BAG5: variants seen among roughly 807,000 people sequenced by gnomAD.
BAG5 encodes BAG cochaperone 5.
BAG5 carries 25 observed loss-of-function variants against 31.8 expected under a neutral mutation model. The ratio of observed to expected loss-of-function variants is 0.79; its 90% CI spans 0.57 to 1.10. The LOEUF (loss-of-function observed/expected upper bound fraction) is 1.10, where lower values mean the gene tolerates loss of function less well. BAG5 is among the 50% of genes least tolerant of loss of function. BAG5 has a pLI of 0.00. For missense variants in BAG5, 491 were observed against 527.9 expected, an observed-to-expected ratio of 0.93 and a Z score of 0.68; for synonymous variants, 208 against 205.0, an observed-to-expected ratio of 1.01 and a Z score of -0.13.
chr14:103,560,853 G>A lies in BAG5; in HGVS notation c.312C>T (p.Leu104=). Residue 104 remains leucine, a synonymous_variant, in exon 2 of 2, where the codon CTC becomes CTT. Transcript: ENST00000299204. ...AAAATGGCACAATTTTCTCTCTCAC[G>A]AGGGACTGGGCTTCCTCAAAAATGT... is the stretch of plus-strand genomic sequence containing the variant. ...IQNIFEEAQS[L]VREKIVPFYN... is the part of the protein sequence containing the mutation. 1 of 1,614,036 alleles carries A rather than the reference G, an allele frequency of 6.2e-7. No homozygotes were observed. The highest frequency in any genetic ancestry group is 1.6e-4 in the Middle Eastern group (1 of 6,062).
In BAG5 at chr14:103,559,581, A is replaced by C; in HGVS notation, c.*240T>G. 2.2e-6 allele frequency: 1 copy of C among 458,508 alleles called. No individual in the cohort carries two copies. The highest frequency in any genetic ancestry group is 3.7e-6 in the Non-Finnish European group (1 of 269,614). 28.4% of individuals were successfully genotyped at this position (458,508 alleles called of 1,614,324 possible). On this transcript the variant is annotated 3_prime_UTR_variant, in exon 2 of 2. Coordinates refer to ENST00000299204, the MANE Select transcript of BAG5 (RefSeq NM_001015048.3). ...TGTTTTCTGATTAAAAACGCAAAAA[A>C]AAGGACAAACCAAACAAACCACACC...
At position 103,559,518 on chromosome 14, in the gene BAG5, C is replaced by T; in HGVS notation, c.*303G>A. The T allele has an allele frequency of 3.4e-6, 1 of 293,514 alleles. No homozygotes were observed. Among genetic ancestry groups the T allele is most frequent in the South Asian group, 4.8e-5 (1 of 20,804 alleles). The allele number at this position is 293,514 out of a possible 1,614,324, so 18.2% of individuals were successfully genotyped here. On this transcript the variant is annotated 3_prime_UTR_variant, in exon 2 of 2. Transcript: ENST00000299204. ...TGAAAGACCTGCATTTTAATGCTTG[C>T]ACAACCCATTTAAAATCTACAAAAG...
In BAG5 at chr14:103,561,175, T is replaced by C. The variant is rs890041211; in HGVS notation, c.-11A>G. 1 of 1,591,844 alleles carries C rather than the reference T, an allele frequency of 6.3e-7. No individual in the cohort carries two copies. On this transcript the variant is annotated 5_prime_UTR_variant, in exon 2 of 2. Transcript: ENST00000299204. ...GTTTCCCATATCCATACTTTTGTTG[T>C]GTTCAGTTTCACAAGCACTAAAAGA...
In BAG5 at chr14:103,560,903, GGT is replaced by G; in HGVS notation, c.260_261del (p.Asn87ThrfsTer6). On this transcript the variant is annotated frameshift_variant, in exon 2 of 2. Coordinates refer to ENST00000299204, the MANE Select transcript of BAG5 (RefSeq NM_001015048.3). LOFTEE classifies it high-confidence loss of function. Reference sequence around the variant, plus strand: ...TTCTGTATTTCAATCCGGTGTGGGTGGTTTGCATTCTGCTCCAACTCTTTGAG... The same window carrying G: ...TTCTGTATTTCAATCCGGTGTGGGTGTTGCATTCTGCTCCAACTCTTTGAG... ...RLLKELEQNA[N>X]HPHRIEIQNI... 6.2e-7 allele frequency: 1 copy of G among 1,614,112 alleles called. No individual in the cohort carries two copies. Among genetic ancestry groups the G allele is most frequent in the Non-Finnish European group, 8.5e-7 (1 of 1,180,030 alleles).
rs2076070848 is a variant in BAG5, at chr14:103,561,186, A to G, written c.-22T>C. On this transcript the variant is annotated 5_prime_UTR_variant, in exon 2 of 2. The change abolishes the stop of an existing upstream ORF in the 5' untranslated region. Transcript: ENST00000299204. ...CCATACTTTTGTTGTGTTCAGTTTC[A>G]CAAGCACTAAAAGACGACAAGAATG... The G allele has an allele frequency of 6.3e-7, 1 of 1,587,908 alleles. No individual in the cohort carries two copies. Among genetic ancestry groups the G allele is most frequent in the African/African-American group, 1.4e-5 (1 of 74,050 alleles).
rs558201535 is a variant in BAG5, at chr14:103,561,104, T to C, written c.61A>G (p.Lys21Glu). ...SRLQEIQKEV[K>E]SVEQQVIGFS... ...CCGATAACTTGCTGTTCTACACTTT[T>C]TACTTCCTTTTGGATTTCCTGAAGC... The change falls in exon 2 of 2, where the codon AAA becomes GAA. Residue 21 changes from lysine (K) to glutamate (E), a missense_variant. By Grantham distance (56) the Lys-to-Glu change is moderately conservative. Transcript: ENST00000299204. 1.9e-6 allele frequency: 3 copies of C among 1,605,724 alleles called. No homozygotes were observed. In the African/African-American group the frequency reaches 4.0e-5, roughly 21 times the overall value.
Position 103,559,827 on chromosome 14 carries a change from C to T in BAG5, c.1338G>A (p.Glu446=), listed in dbSNP as rs2076058695. ...AAGTGAGATCTCTGGTATTTCAGTA[C>T]TCCCATTCATCAGATTTCAGGTCGA... ...SYLDLKSDEW[E]Y The change falls in exon 2 of 2, where the codon GAG becomes GAA. Residue 446 remains glutamate (E), a synonymous_variant. Transcript: ENST00000299204. 6.2e-7 allele frequency: 1 copy of T among 1,611,004 alleles called. No homozygotes were observed. The highest frequency in any genetic ancestry group is 1.7e-4 in the Middle Eastern group (1 of 6,056).
Position 103,560,891 on chromosome 14 carries a change from T to G in BAG5, c.274A>C (p.Ile92Leu), listed in dbSNP as rs754111260. ...LEQNANHPHR[I>L]EIQNIFEEAQ... ...TCCTCAAAAATGTTCTGTATTTCAA[T>G]CCGGTGTGGGTGGTTTGCATTCTGC... is the stretch of plus-strand genomic sequence containing the variant. Residue 92 changes from isoleucine (I) to leucine (L), a missense_variant, in exon 2 of 2, where the codon ATT becomes CTT. Physicochemically the swap from Ile to Leu is conservative, Grantham distance 5. Coordinates refer to ENST00000299204, the MANE Select transcript of BAG5 (RefSeq NM_001015048.3). 39 of 1,614,048 alleles carry G rather than the reference T, an allele frequency of 2.4e-5. No individual in the cohort carries two copies. The highest frequency in any genetic ancestry group is 1.6e-4 in the Middle Eastern group (1 of 6,084).
In BAG5 at chr14:103,560,915, G is replaced by A. The variant is rs747695654; in HGVS notation, c.250C>T (p.Gln84Ter). 12 of 1,614,114 alleles carry A rather than the reference G, an allele frequency of 7.4e-6. No homozygotes were observed. The South Asian group carries it at 1.3e-4, about 18-fold the overall frequency. Residue 84 changes from glutamine to a stop codon, truncating the protein, a stop_gained, in exon 2 of 2, where the codon CAG (glutamine) becomes TAG (stop). Coordinates refer to ENST00000299204, the MANE Select transcript of BAG5 (RefSeq NM_001015048.3). LOFTEE classifies it high-confidence loss of function. ...ETERLLKELE[Q>*]NANHPHRIEI... ...ATCCGGTGTGGGTGGTTTGCATTCT[G>A]CTCCAACTCTTTGAGAAGACGTTCT...
chr14:103,560,520 G>A lies in BAG5; in HGVS notation c.645C>T (p.His215=). 1 of 1,614,032 alleles carries A rather than the reference G, an allele frequency of 6.2e-7. No individual in the cohort carries two copies. The highest frequency in any genetic ancestry group is 1.1e-5 in the South Asian group (1 of 91,066). The change falls in exon 2 of 2, where the codon CAC becomes CAT. Residue 215 remains histidine, a synonymous_variant. Coordinates refer to ENST00000299204, the MANE Select transcript of BAG5 (RefSeq NM_001015048.3). ...MGVNNNETCR[H]LSCVLSGLIA... Reference sequence around the variant, plus strand: ...TCAGCCCCGAGAGCACACAGGATAAGTGCCTGCAGGTCTCATTGTTGTTCA... The same window carrying A: ...TCAGCCCCGAGAGCACACAGGATAAATGCCTGCAGGTCTCATTGTTGTTCA...
In BAG5 at chr14:103,560,153, CG is replaced by C; in HGVS notation, c.1011del (p.Ile337MetfsTer6). 6.2e-7 allele frequency: 1 copy of C among 1,614,066 alleles called. No homozygotes were observed. The highest frequency in any genetic ancestry group is 1.3e-5 in the African/African-American group (1 of 75,010). ...CIREARRRAV[I>X]EVQTLITYID... Reference sequence around the variant, plus strand: ...ATATATGTGATCAGAGTTTGCACCTCGATCACTGCTCTTCTCCTGGCTTCCC... The same window carrying C: ...ATATATGTGATCAGAGTTTGCACCTCATCACTGCTCTTCTCCTGGCTTCCC... On this transcript the variant is annotated frameshift_variant, in exon 2 of 2. Transcript: ENST00000299204. LOFTEE classifies it high-confidence loss of function.
At chr14:103,562,087 C>G (rs2076081744) in intron 1 of BAG5, 6 of 951,802 alleles carry the variant, frequency 6.3e-6, no homozygotes, top group Non-Finnish European at 1.0e-5. Flanking sequence ...GCCCTTCCCT[C>G]TTGGCCCTTT....
rs2076068117 is a variant in BAG5 at position 103,560,943 on chromosome 14, C to T, written c.222G>A (p.Glu74=). The change falls in exon 2 of 2, where the codon GAG becomes GAA. Residue 74 remains glutamate (E), a synonymous_variant. Transcript: ENST00000299204. ...IQQARKRAAQ[E]TERLLKELEQ... Reference sequence around the variant, plus strand: ...CCAACTCTTTGAGAAGACGTTCTGTCTCCTGTGCTGCCCGCTTCCTAGCTT... The same window carrying T: ...CCAACTCTTTGAGAAGACGTTCTGTTTCCTGTGCTGCCCGCTTCCTAGCTT... 2 of 1,614,162 alleles carry T rather than the reference C, an allele frequency of 1.2e-6. No homozygotes were observed. The highest frequency in any genetic ancestry group is 1.7e-6 in the Non-Finnish European group (2 of 1,180,044).
chr14:103,559,948 A>G lies in BAG5; in HGVS notation c.1217T>C (p.Leu406Pro), dbSNP rs753805588. ...CGGATCAACAGCATCCAGGGCTAGC[A>G]GCTGCTTGGTGAGCAGCTCTTCCAG... is the stretch of plus-strand genomic sequence containing the variant. ...IRLEELLTKQ[L>P]LALDAVDPQG... Residue 406 changes from leucine (L) to proline (P), a missense_variant, in exon 2 of 2, where the codon CTG becomes CCG. By Grantham distance (98) the Leu-to-Pro change is moderately conservative. Coordinates refer to ENST00000299204, the MANE Select transcript of BAG5 (RefSeq NM_001015048.3). 1 of 1,614,258 alleles carries G rather than the reference A, an allele frequency of 6.2e-7. No homozygotes were observed. Among genetic ancestry groups the G allele is most frequent in the Admixed American group, 1.7e-5 (1 of 60,034 alleles).
intron 1 of BAG5, 148 bp from the exon 2 acceptor site, chr14:103,561,340 C>T: frequency 1.3e-6 from 1 of 741,278 alleles, no homozygotes; most frequent in Non-Finnish European, 2.2e-6. Context: ...GCTGGGTCTA[C>T]AGTCGTACAC....
Position 103,558,938 on chromosome 14 carries a change from A to G in BAG5, c.*883T>C, listed in dbSNP as rs2076053301. 6.6e-6 allele frequency: 1 copy of G among 152,104 alleles called. No individual in the cohort carries two copies. Among genetic ancestry groups the G allele is most frequent in the African/African-American group, 2.4e-5 (1 of 41,424 alleles). The allele number at this position is 152,104 out of a possible 1,614,324, so 9.4% of individuals were successfully genotyped here. A position where few individuals can be genotyped will look rare whatever the true frequency, so the allele number is the denominator to read the frequency against. ...TCAGACTTTCTGATTTAGTTTTAGT[A>G]TAACCTGACATTGGTAACCCGTCTC... is the stretch of plus-strand genomic sequence containing the variant. On this transcript the variant is annotated 3_prime_UTR_variant, in exon 2 of 2. Coordinates refer to ENST00000299204, the MANE Select transcript of BAG5 (RefSeq NM_001015048.3).
intron 1 of BAG5, chr14:103,562,189 G>C (rs1036770259): frequency 6.6e-6 from 4 of 602,318 alleles, no homozygotes; most frequent in African/African-American, 5.6e-5. Context: ...TGCGGCACCG[G>C]AGCTGGGCCC....
In BAG5 at chr14:103,560,281, TGGA is replaced by T; in HGVS notation, c.881_883del (p.Leu294del). ...GTACAATTCAGAAGGGTTTTGTGCT[TGGA>T]GAAGTTCATTTTTTATTTCTCTCAT... On this transcript the variant is annotated inframe_deletion, in exon 2 of 2. Transcript: ENST00000299204. 6.2e-7 allele frequency: 1 copy of T among 1,614,228 alleles called. No individual in the cohort carries two copies. Among genetic ancestry groups the T allele is most frequent in the Non-Finnish European group, 8.5e-7 (1 of 1,180,050 alleles).
intron 1 of BAG5, chr14:103,561,897 T>A (rs1335152856): frequency 6.4e-7 from 1 of 1,572,120 alleles, no homozygotes; most frequent in Non-Finnish European, 8.7e-7. Context: ...TAACTATGAA[T>A]AATTCATTCA....
Sources: allele counts gnomAD v4.1 joint callset, GRCh38; gene constraint gnomAD v4.1.1; transcripts MANE v1.5; gene names NCBI Gene and HGNC (gene_info 2026-07-23, HGNC 2026-07-21).